Variants in MARCHF1 observed in about 807,000 individuals in gnomAD.
MARCHF1 encodes the protein E3 ubiquitin-protein ligase MARCHF1.
In MARCHF1, 40 loss-of-function variants were observed where a neutral mutation model predicts 54.2. The observed-to-expected ratio is 0.74, with a 90% CI of 0.57 to 0.96. The LOEUF (loss-of-function observed/expected upper bound fraction) is 0.96, where lower values mean the gene tolerates loss of function less well. Among genes scored for constraint, MARCHF1 ranks in the 40% least tolerant of loss-of-function variants. The probability of loss-of-function intolerance (pLI) is 0.00; values close to 1 mark genes in which losing one functional copy is unlikely to be tolerated. For missense variants in MARCHF1, 586 were observed against 656.5 expected, an observed-to-expected ratio of 0.89 and a Z score of 1.17; for synonymous variants, 236 against 236.3, an observed-to-expected ratio of 1.00 and a Z score of 0.01.
At chr4:164,214,818 ACTT>A (rs1335097145) in intron 1 of MARCHF1, among the ~76,000 whole-genome samples, 2 of 152,156 alleles carry the variant, frequency 1.3e-5, no homozygotes, top group Admixed American at 1.3e-4. Context: ...TCCTGTCTTA[ACTT>A]CTTATCACAT....
At chr4:164,234,086 T>C (rs1477075544) in intron 1 of MARCHF1, among the ~76,000 whole-genome samples, 1 of 152,166 alleles carries the variant, frequency 6.6e-6, no homozygotes, top group Non-Finnish European at 1.5e-5. Context: ...TATTTTGACA[T>C]TTTGAATTAA....
intron 3 of MARCHF1, among the ~76,000 whole-genome samples, chr4:163,971,429 T>C (rs1456623687): frequency 6.6e-6 from 1 of 152,248 alleles, no homozygotes; most frequent in Non-Finnish European, 1.5e-5. Context: ...GAAACAGTTG[T>C]GTTACATATA....
intron 2 of MARCHF1, among the ~76,000 whole-genome samples, chr4:164,062,566 C>T (rs1357391341): frequency 6.6e-6 from 1 of 151,880 alleles, no homozygotes; most frequent in Non-Finnish European, 1.5e-5. Context: ...GCTCTGTTGC[C>T]CAGGCTGGAG....
chr4:164,262,287 T>C (rs1182253312), intron 1 of MARCHF1, among the ~76,000 whole-genome samples: 1 of 152,028 alleles, frequency 6.6e-6, no homozygotes, highest in Non-Finnish European at 1.5e-5. Context: ...CCTATCAAAA[T>C]TGGATCCTTA....
chr4:164,303,172 C>A (rs1734608583), intron 1 of MARCHF1, among the ~76,000 whole-genome samples: 1 of 152,118 alleles, frequency 6.6e-6, no homozygotes, highest in East Asian at 1.9e-4. Context: ...AATATGTGAA[C>A]ATCCACAGTT....
intron 5 of MARCHF1, among the ~76,000 whole-genome samples, chr4:163,668,636 T>C (rs528431855): frequency 2.6e-5 from 4 of 152,260 alleles, no homozygotes; most frequent in Admixed American, 1.3e-4. Context: ...TTAATTATTG[T>C]TGAATCACAG....
chr4:164,169,892 T>C (rs1730478484), intron 1 of MARCHF1, among the ~76,000 whole-genome samples: 3 of 152,054 alleles, frequency 2.0e-5, no homozygotes. Context: ...GAGATTTAAA[T>C]CCACTTGGTG....
At chr4:163,577,665 A>G (rs1740084961) in intron 8 of MARCHF1, among the ~76,000 whole-genome samples, 1 of 152,020 alleles carries the variant, frequency 6.6e-6, no homozygotes, top group East Asian at 1.9e-4. Context: ...ATTATTTCCT[A>G]AATTATGTTT....
chr4:163,737,289 A>G (rs1329572026), intron 4 of MARCHF1, among the ~76,000 whole-genome samples: 1 of 81,758 alleles, frequency 1.2e-5, no homozygotes, highest in African/African-American at 3.6e-5. Context: ...ATATGTATAC[A>G]TGTGCCATGC....
chr4:163,993,622 C>A (rs1418501700), intron 2 of MARCHF1, among the ~76,000 whole-genome samples: 1 of 152,068 alleles, frequency 6.6e-6, no homozygotes, highest in Non-Finnish European at 1.5e-5. Flanking sequence ...GTGATAATTA[C>A]AGCATGCCCT....
chr4:163,537,446 T>C (rs998930883), intron 9 of MARCHF1, among the ~76,000 whole-genome samples: 1 of 152,226 alleles, frequency 6.6e-6, no homozygotes, highest in African/African-American at 2.4e-5. Context: ...AGCTGTATCC[T>C]GCACTTCAAA....
At chr4:164,367,502 T>A (rs1043174403) in intron 1 of MARCHF1, among the ~76,000 whole-genome samples, 6 of 152,024 alleles carry the variant, frequency 3.9e-5, no homozygotes, top group Admixed American at 2.0e-4. Context: ...AGTTAAAAAG[T>A]TATTCCTAGA....
intron 2 of MARCHF1, among the ~76,000 whole-genome samples, chr4:164,095,971 AG>A (rs1318131263): frequency 6.6e-6 from 1 of 152,154 alleles, no homozygotes; most frequent in Admixed American, 6.6e-5. Flanking sequence ...CTGCTGGGAA[AG>A]TGGCTTTGTT....
intron 1 of MARCHF1, among the ~76,000 whole-genome samples, chr4:164,303,364 A>G (rs1208514988): frequency 2.0e-5 from 3 of 152,210 alleles, no homozygotes; most frequent in African/African-American, 4.8e-5. Flanking sequence ...TGAAAAACTC[A>G]TTTGTGGTGG....
chr4:163,847,549 C>CTTTTTTT lies in MARCHF1; in HGVS notation c.111+6465_111+6471dup, dbSNP rs747963284. Among the ~76,000 whole-genome samples, 5 of 63,670 alleles carry CTTTTTTT rather than the reference C, an allele frequency of 7.9e-5. 1 individual carries two copies. The highest frequency in any genetic ancestry group is 3.5e-4 in the African/African-American group (5 of 14,458). 41.8% of individuals were successfully genotyped at this position (63,670 alleles called of 152,430 possible). A position where few individuals can be genotyped will look rare whatever the true frequency, so the allele number is the denominator to read the frequency against. ...TTTGATCTTTTCGAATTACAGTTTG[C>CTTTTTTT]TTTTTTTTTTTTTTTTTTTTTTTTT... On this transcript the variant is annotated intron_variant, in intron 4 of 9. Transcript: ENST00000514618.
chr4:164,140,239 C>CTATATATATATA (rs70948702), intron 1 of MARCHF1, among the ~76,000 whole-genome samples: 4,031 of 147,234 alleles, frequency 0.027, 68 homozygotes, highest in Middle Eastern at 0.11. Flanking sequence ...TACACACACA[C>CTATATATATATA]TATATATATA....
chr4:164,016,976 ACCC>A (rs1560863367), intron 2 of MARCHF1, among the ~76,000 whole-genome samples: 1 of 152,040 alleles, frequency 6.6e-6, no homozygotes, highest in Non-Finnish European at 1.5e-5. Flanking sequence ...ATTGGAAAAA[ACCC>A]TCATGAACCT....
chr4:163,961,994 C>T (rs1228425581), intron 3 of MARCHF1, among the ~76,000 whole-genome samples: 1 of 151,858 alleles, frequency 6.6e-6, no homozygotes, highest in African/African-American at 2.4e-5. Context: ...TTTGTTTTTA[C>T]TTTAAAATTA....
intron 2 of MARCHF1, among the ~76,000 whole-genome samples, chr4:164,000,984 A>G (rs909977233): frequency 4.6e-5 from 7 of 151,730 alleles, no homozygotes; most frequent in Non-Finnish European, 8.9e-5. Flanking sequence ...CATTTTGCTA[A>G]CAGTAGCTAC....
Sources: allele counts gnomAD v4.1 joint callset (sites outside exome capture counted in the v4.1 genomes callset), GRCh38; gene constraint gnomAD v4.1.1; transcripts MANE v1.5; gene names NCBI Gene and HGNC (gene_info 2026-07-23, HGNC 2026-07-21).